Variants in ZNF516 observed in about 807,000 individuals in gnomAD.
ZNF516 encodes the protein zinc finger protein 516.
A neutral mutation model predicts 79.7 loss-of-function variants in ZNF516; 19 were observed. That is an observed-to-expected ratio of 0.24 (90% CI 0.17 to 0.35). The LOEUF is 0.35. ZNF516 is among the 10% of genes least tolerant of loss of function. ZNF516 has a pLI of 1.00. For missense variants in ZNF516, 1,678 were observed against 1,679.5 expected (o/e 1.00, Z 0.02); for synonymous variants, 877 against 739.5 (o/e 1.19, Z -3.02).
intron 1 of ZNF516, among the ~76,000 whole-genome samples, chr18:76,477,136 G>A (rs1229745140): frequency 6.6e-6 from 1 of 152,198 alleles, no homozygotes; most frequent in African/African-American, 2.4e-5. Context: ...TCCCAGCTGA[G>A]TCATATCGTT....
intron 3 of ZNF516, among the ~76,000 whole-genome samples, chr18:76,409,293 T>C (rs1006969299): frequency 6.6e-6 from 1 of 152,190 alleles, no homozygotes; most frequent in African/African-American, 2.4e-5. Flanking sequence ...ATGACCAAAT[T>C]TTCATTATCA....
intron 1 of ZNF516, chr18:76,492,728 A>C: frequency 1.0e-6 from 1 of 985,508 alleles, no homozygotes; most frequent in Non-Finnish European, 1.2e-6. Flanking sequence ...AAACAATCAC[A>C]GCCCTCCTCT....
intron 4 of ZNF516, among the ~76,000 whole-genome samples, chr18:76,376,450 GAATA>G (rs1416447863): frequency 6.7e-6 from 1 of 148,258 alleles, no homozygotes; most frequent in African/African-American, 2.5e-5. Context: ...TACATTAGAA[GAATA>G]AATAACCCAA....
chr18:76,458,214 T>C (rs1912849788), intron 2 of ZNF516, among the ~76,000 whole-genome samples: 1 of 152,212 alleles, frequency 6.6e-6, no homozygotes, highest in Non-Finnish European at 1.5e-5. Context: ...ATAAAGTCTT[T>C]TTGTTTTAAA....
intron 1 of ZNF516, chr18:76,487,813 G>A (rs1914915216): frequency 1.9e-6 from 1 of 537,394 alleles, no homozygotes; most frequent in Non-Finnish European, 2.4e-6. Context: ...GCTTGAATTT[G>A]AAAAATGCTG....
chr18:76,443,583 G>A (rs1360668028), intron 2 of ZNF516, among the ~76,000 whole-genome samples: 2 of 152,162 alleles, frequency 1.3e-5, no homozygotes, highest in Non-Finnish European at 2.9e-5. Flanking sequence ...GGAAAGCAAG[G>A]TTTAGGAAAA....
At chr18:76,470,417 A>G (rs1913757620) in intron 1 of ZNF516, among the ~76,000 whole-genome samples, 1 of 152,172 alleles carries the variant, frequency 6.6e-6, no homozygotes, top group Non-Finnish European at 1.5e-5. Flanking sequence ...TGCTTAAGAA[A>G]TTCCAAGCTG....
intron 3 of ZNF516, among the ~76,000 whole-genome samples, chr18:76,404,899 C>CGT (rs373732671): frequency 6.6e-6 from 1 of 152,096 alleles, no homozygotes; most frequent in Non-Finnish European, 1.5e-5. Context: ...TGAGTAGGAG[C>CGT]GTGTGTGTGT....
At chr18:76,478,371 T>C (rs1568325696) in intron 1 of ZNF516, among the ~76,000 whole-genome samples, 2 of 152,084 alleles carry the variant, frequency 1.3e-5, no homozygotes, top group Non-Finnish European at 2.9e-5. Flanking sequence ...AAGTTAAGAG[T>C]TTCTAGGTTT....
At chr18:76,477,320 G>A (rs1026252963) in intron 1 of ZNF516, among the ~76,000 whole-genome samples, 16 of 152,122 alleles carry the variant, frequency 1.1e-4, no homozygotes, top group African/African-American at 2.7e-4. Flanking sequence ...TAGCAAGCAC[G>A]AAAACTGACC....
chr18:76,466,010 C>G (rs1913441627), intron 1 of ZNF516, among the ~76,000 whole-genome samples: 2 of 152,146 alleles, frequency 1.3e-5, no homozygotes, highest in South Asian at 4.1e-4. Context: ...TTCTGCTGGG[C>G]AAAGACACAC....
At chr18:76,408,329 G>A (rs143590576) in intron 3 of ZNF516, among the ~76,000 whole-genome samples, 270 of 152,352 alleles carry the variant, frequency 1.8e-3, no homozygotes, top group Non-Finnish European at 3.2e-3. Flanking sequence ...GGTGCTGCAG[G>A]CTGGTGTGGA....
At chr18:76,428,357 T>TA (rs1443062367) in intron 3 of ZNF516, among the ~76,000 whole-genome samples, 1 of 148,312 alleles carries the variant, frequency 6.7e-6, no homozygotes, top group African/African-American at 2.5e-5. Context: ...CGCACCACTG[T>TA]ACTCCACCCT....
At chr18:76,466,930 T>C (rs941925165) in intron 1 of ZNF516, among the ~76,000 whole-genome samples, 32 of 152,144 alleles carry the variant, frequency 2.1e-4, no homozygotes, top group Non-Finnish European at 4.3e-4. Flanking sequence ...AGGGATGCCC[T>C]GGGGCAGGAC....
At chr18:76,438,355 T>C (rs566005305) in intron 3 of ZNF516, among the ~76,000 whole-genome samples, 100 of 152,368 alleles carry the variant, frequency 6.6e-4, no homozygotes, top group African/African-American at 2.2e-3. Flanking sequence ...CTGAGCCTAC[T>C]TGTGTTTGGG....
At chr18:76,494,352 G>A (rs150472937) in intron 1 of ZNF516, among the ~76,000 whole-genome samples, 1 of 146,858 alleles carries the variant, frequency 6.8e-6, no homozygotes, top group East Asian at 2.2e-4. Context: ...CATACACCCG[G>A]GTTCATCTCG....
chr18:76,481,641 GT>G lies in ZNF516; in HGVS notation c.-272+13502del, dbSNP rs1914528278. ...TAAAAGGGGATGGGAATTACTGCCT[GT>G]TTCCTAAGACCTGTGCATATTAAAT... On this transcript the variant is annotated intron_variant, in intron 1 of 6. Coordinates refer to ENST00000443185, the MANE Select transcript of ZNF516 (RefSeq NM_014643.4). Among the ~76,000 whole-genome samples, 3 of 152,200 alleles carry G rather than the reference GT, an allele frequency of 2.0e-5. No individual in the cohort carries two copies. The South Asian group carries it at 6.2e-4, about 31-fold the overall frequency.
rs58634236 is a variant in ZNF516 at position 76,473,903 on chromosome 18, T to TGTGGG, written c.-271-10763_-271-10762insCCCAC. 9.1e-3 allele frequency among the ~76,000 whole-genome samples: 490 copies of TGTGGG among 53,976 alleles called. 13 individuals are homozygous for TGTGGG. Among genetic ancestry groups the TGTGGG allele is most frequent in the Middle Eastern group, 0.014 (1 of 70 alleles). The allele number at this position is 53,976 out of a possible 152,430, so 35.4% of individuals were successfully genotyped here. A position where few individuals can be genotyped will look rare whatever the true frequency, so the allele number is the denominator to read the frequency against. ...CACTGGGTTGTTGGTTGTTTTTGTG[T>TGTGGG]GGGGGGGGGGGGGGCTTTCTTTTTG... On this transcript the variant is annotated intron_variant, in intron 1 of 6. Transcript: ENST00000443185.
intron 1 of ZNF516, among the ~76,000 whole-genome samples, chr18:76,482,355 C>A (rs1194448475): frequency 6.6e-6 from 1 of 152,196 alleles, no homozygotes; most frequent in Non-Finnish European, 1.5e-5. Flanking sequence ...TGGTCCCCAA[C>A]TTAGGAAAGT....
Sources: allele counts gnomAD v4.1 joint callset (sites outside exome capture counted in the v4.1 genomes callset), GRCh38; gene constraint gnomAD v4.1.1; transcripts MANE v1.5; gene names NCBI Gene and HGNC (gene_info 2026-07-23, HGNC 2026-07-21).